Variants in LRP6 observed in about 807,000 individuals in gnomAD.
LRP6 encodes LDL receptor related protein 6, also known as low-density lipoprotein receptor-related protein 6.
In LRP6, 43 loss-of-function variants were observed where a neutral mutation model predicts 184.1. The ratio of observed to expected loss-of-function variants is 0.23; its 90% CI spans 0.18 to 0.30. The LOEUF (loss-of-function observed/expected upper bound fraction) is 0.30, where lower values mean the gene tolerates loss of function less well. Among genes scored for constraint, LRP6 ranks in the 10% least tolerant of loss-of-function variants. The pLI is 1.00. For synonymous variants in LRP6, 719 were observed against 684.9 expected (o/e 1.05, Z -0.78); for missense variants, 1,571 against 2,005.3 (o/e 0.78, Z 4.14).
At chr12:12,143,459 G>A (rs189957012) in intron 15 of LRP6, among the ~76,000 whole-genome samples, 1 of 152,218 alleles carries the variant, frequency 6.6e-6, no homozygotes, top group Non-Finnish European at 1.5e-5. Context: ...AATAGCCAAG[G>A]TAATCCTGAA....
intron 2 of LRP6, among the ~76,000 whole-genome samples, chr12:12,235,115 C>A (rs1864899949): frequency 6.6e-6 from 1 of 151,978 alleles, no homozygotes. Flanking sequence ...CACATAACAC[C>A]AAAGTAAATT....
intron 7 of LRP6, among the ~76,000 whole-genome samples, chr12:12,177,275 G>A (rs1157285210): frequency 2.0e-5 from 3 of 152,142 alleles, no homozygotes; most frequent in Admixed American, 2.0e-4. Flanking sequence ...AGCTTTCTAA[G>A]GAAAATGGGA....
intron 7 of LRP6, among the ~76,000 whole-genome samples, chr12:12,179,273 A>G (rs1212837270): frequency 1.3e-5 from 2 of 152,136 alleles, no homozygotes; most frequent in African/African-American, 4.8e-5. Flanking sequence ...CACACAGCCC[A>G]TAAATCAATT....
chr12:12,125,463 T>C, intron 20 of LRP6, 31 bp from the exon 21 acceptor site: 1 of 1,600,724 alleles, frequency 6.2e-7, no homozygotes, highest in Non-Finnish European at 8.6e-7. Context: ...AAACTGAAGA[T>C]GAGTATGATA....
chr12:12,243,910 C>T, intron 2 of LRP6, among the ~76,000 whole-genome samples: 1 of 152,100 alleles, frequency 6.6e-6, no homozygotes, highest in Non-Finnish European at 1.5e-5. Context: ...GCCACTACGC[C>T]CAGCTAACAA....
rs373389670 is a variant in LRP6 at position 12,121,334 on chromosome 12, C to T, written c.4634G>A (p.Arg1545Gln). The change falls in exon 23 of 23, where the codon CGG (arginine) becomes CAG (glutamine). Residue 1545 changes from arginine to glutamine, a missense_variant. By Grantham distance (43) the Arg-to-Gln change is conservative. This residue lies in a region of LRP6 where 763 missense variants were observed against 859.5 expected (regional missense o/e 0.89). Transcript: ENST00000261349. ...GGCTGTTGCCACTGAGGTCATTCTC[C>T]GACTAGGAGCATAGTCACTGTCACA... is the stretch of plus-strand genomic sequence containing the variant. The part of the protein sequence containing the change: ...DVCDSDYAPS[R>Q]RMTSVATAKG... 25 of 1,613,978 alleles carry T rather than the reference C, an allele frequency of 1.5e-5. No individual in the cohort carries two copies. Among genetic ancestry groups the T allele is most frequent in the East Asian group, 4.5e-5 (2 of 44,894 alleles).
chr12:12,131,999 G>A lies in LRP6; in HGVS notation c.3792C>T (p.Ile1264=), dbSNP rs371177265. ...ACCCATCGCACCGCCAAGCCACAGG[G>A]ATACAGTCAATTTCCCCCGTGAAAC... ...FTCFTGEIDC[I]PVAWRCDGFT... Residue 1264 remains isoleucine, a synonymous_variant, in exon 18 of 23, where the codon ATC becomes ATT. Transcript: ENST00000261349. The A allele has an allele frequency of 6.2e-7, 1 of 1,614,132 alleles. No individual in the cohort carries two copies. The highest frequency in any genetic ancestry group is 2.2e-5 in the East Asian group (1 of 44,880).
rs929481086 is a variant in LRP6 at position 12,158,490 on chromosome 12, A to C, written c.2791+339T>G. On this transcript the variant is annotated intron_variant, in intron 12 of 22. Coordinates refer to ENST00000261349, the MANE Select transcript of LRP6 (RefSeq NM_002336.3). ...ACAAATGCACACCATTACTCTGGCT[A>C]ATTTTTTTATTTTTTGTAGAGGCAA... Among the ~76,000 whole-genome samples, 4 of 152,038 alleles carry C rather than the reference A, an allele frequency of 2.6e-5. No homozygotes were observed. In the East Asian group the frequency reaches 7.8e-4, roughly 29 times the overall value.
rs1949576884 is a variant in LRP6 at position 12,119,991 on chromosome 12, ATATATATAT to A, written c.*1126_*1134del. ...CTCAGAAAACAAACAAACAAACAAA[ATATATATAT>A]ATATATATATATATATATATATATA... On this transcript the variant is annotated 3_prime_UTR_variant, in exon 23 of 23. Transcript: ENST00000261349. 3 of 3,234 alleles carry A rather than the reference ATATATATAT, an allele frequency of 9.3e-4. 1 individual carries two copies. Among genetic ancestry groups the A allele is most frequent in the Admixed American group, 6.5e-3 (2 of 310 alleles). 0.2% of individuals were successfully genotyped at this position (3,234 alleles called of 1,614,324 possible).
At chr12:12,175,166 AT>A (rs1407646802) in intron 7 of LRP6, among the ~76,000 whole-genome samples, 1 of 152,192 alleles carries the variant, frequency 6.6e-6, no homozygotes, top group African/African-American at 2.4e-5. Context: ...AGGTGGGTGG[AT>A]CATTTGAGGT....
At chr12:12,266,464 G>A (rs1865765813) in intron 1 of LRP6, among the ~76,000 whole-genome samples, 1 of 152,118 alleles carries the variant, frequency 6.6e-6, no homozygotes, top group Admixed American at 6.5e-5. Flanking sequence ...ATGTGTCCGG[G>A]GAAGGTCTGG....
At position 12,118,264 on chromosome 12, in the gene LRP6, T is replaced by TAA. The variant is rs1949544500; in HGVS notation, c.*2860_*2861dup. ...TCTGACTTAAGCAAACAAAACTCCT[T>TAA]AAGTCACTATTCAGAAGACCACGAC... is the stretch of plus-strand genomic sequence containing the variant. On this transcript the variant is annotated 3_prime_UTR_variant, in exon 23 of 23. Coordinates refer to ENST00000261349, the MANE Select transcript of LRP6 (RefSeq NM_002336.3). The TAA allele has an allele frequency of 6.6e-6, 1 of 152,162 alleles. No individual in the cohort carries two copies. Among genetic ancestry groups the TAA allele is most frequent in the Admixed American group, 6.6e-5 (1 of 15,252 alleles). 9.4% of individuals were successfully genotyped at this position (152,162 alleles called of 1,614,324 possible).
chr12:12,126,091 C>T (rs557936228), intron 20 of LRP6, among the ~76,000 whole-genome samples: 34 of 152,240 alleles, frequency 2.2e-4, no homozygotes, highest in Admixed American at 6.5e-4. Flanking sequence ...AAAAGGAAGG[C>T]GTCTTTTAAC....
intron 15 of LRP6, among the ~76,000 whole-genome samples, chr12:12,139,689 C>A (rs1468178465): frequency 6.6e-6 from 1 of 151,344 alleles, no homozygotes; most frequent in Non-Finnish European, 1.5e-5. Flanking sequence ...CACTGCACTG[C>A]AGCCTGGGTG....
intron 15 of LRP6, chr12:12,138,854 TGGA>T: frequency 7.2e-7 from 1 of 1,380,896 alleles, no homozygotes; most frequent in Non-Finnish European, 9.7e-7. Context: ...GGCACTTCTC[TGGA>T]GGAGCAGTGG....
chr12:12,233,800 AAAGT>A (rs773490910), intron 2 of LRP6, among the ~76,000 whole-genome samples: 1 of 152,200 alleles, frequency 6.6e-6, no homozygotes, highest in Non-Finnish European at 1.5e-5. Flanking sequence ...GATGGAAAAT[AAAGT>A]ATTTACAAGT....
At chr12:12,177,230 G>C (rs1863213745) in intron 7 of LRP6, among the ~76,000 whole-genome samples, 1 of 152,122 alleles carries the variant, frequency 6.6e-6, no homozygotes, top group South Asian at 2.1e-4. Context: ...CCAGCGAAAA[G>C]CAGCTTTCAT....
At chr12:12,166,513 G>A (rs550606782) in intron 7 of LRP6, among the ~76,000 whole-genome samples, 67 of 151,998 alleles carry the variant, frequency 4.4e-4, no homozygotes, top group African/African-American at 1.6e-3. Flanking sequence ...TGCCTGATTC[G>A]GTTTTATTCT....
intron 15 of LRP6, chr12:12,139,126 T>C (rs1198816735): frequency 2.1e-5 from 14 of 659,532 alleles, no homozygotes; most frequent in Non-Finnish European, 2.9e-5. Flanking sequence ...ATTCAGTTTC[T>C]CCCTCACTCA....
Sources: allele counts gnomAD v4.1 joint callset (sites outside exome capture counted in the v4.1 genomes callset), GRCh38; gene constraint gnomAD v4.1.1; regional missense constraint gnomAD v4.1.1; transcripts MANE v1.5; gene names NCBI Gene and HGNC (gene_info 2026-07-23, HGNC 2026-07-21).